The following C11orf65 variants were observed in gnomAD, a reference collection of about 807,000 sequenced individuals.
C11orf65 encodes chromosome 11 open reading frame 65.
C11orf65 carries 38 observed loss-of-function variants against 35.3 expected under a neutral mutation model. That is an observed-to-expected ratio of 1.08 (90% CI 0.83 to 1.41). C11orf65 has a LOEUF of 1.41. C11orf65 is among the 40% of genes most tolerant of loss of function. The probability of loss-of-function intolerance (pLI) is 0.00; values close to 1 mark genes in which losing one functional copy is unlikely to be tolerated. For missense variants in C11orf65, 370 were observed against 367.1 expected (o/e 1.01, Z -0.06); for synonymous variants, 105 against 114.4 (o/e 0.92, Z 0.53).
intron 3 of C11orf65, among the ~76,000 whole-genome samples, chr11:108,430,547 A>AT (rs1034632094): frequency 6.6e-5 from 10 of 151,974 alleles, no homozygotes; most frequent in African/African-American, 2.4e-4. Context: ...CAAAGAACTG[A>AT]TTTTTAAAAG....
intron 2 of C11orf65, among the ~76,000 whole-genome samples, chr11:108,432,693 A>C (rs2093006186): frequency 6.6e-6 from 1 of 152,160 alleles, no homozygotes. Flanking sequence ...CCAATATAAC[A>C]ATCTAAAGCC....
chr11:108,373,962 G>C (rs1052135853), intron 2 of C11orf65, among the ~76,000 whole-genome samples: 1 of 152,242 alleles, frequency 6.6e-6, no homozygotes, highest in Non-Finnish European at 1.5e-5. Flanking sequence ...AGGCTGCAGC[G>C]AGGCTGGCGG....
intron 3 of C11orf65, 128 bp from the exon 4 acceptor site, chr11:108,407,277 C>A: frequency 1.4e-6 from 1 of 718,362 alleles, no homozygotes; most frequent in Non-Finnish European, 2.1e-6. Context: ...GTCAGGTGAA[C>A]CAACCTCAAA....
At chr11:108,375,836 C>A (rs988780389) in intron 2 of C11orf65, among the ~76,000 whole-genome samples, 6 of 152,010 alleles carry the variant, frequency 3.9e-5, no homozygotes, top group Admixed American at 3.9e-4. Flanking sequence ...GGTTGCAATA[C>A]TAGTCTCTGA....
chr11:108,421,186 C>G (rs906706024), intron 3 of C11orf65, among the ~76,000 whole-genome samples: 2 of 152,110 alleles, frequency 1.3e-5, no homozygotes, highest in African/African-American at 4.8e-5. Flanking sequence ...CTTCATTCTA[C>G]CTAGATTTTT....
At chr11:108,330,237 A>T, downstream of C11orf65, 1 of 1,614,174 alleles carries the variant, frequency 6.2e-7, no homozygotes, top group Non-Finnish European at 8.5e-7. Context: ...GTTCAGCGAG[A>T]GCTGGAGTTG....
chr11:108,399,200 G>T (rs2092387864), intron 6 of C11orf65, among the ~76,000 whole-genome samples: 1 of 152,162 alleles, frequency 6.6e-6, no homozygotes, highest in South Asian at 2.1e-4. Flanking sequence ...TGATTACCAA[G>T]AGCTGTCTGC....
At chr11:108,324,526 C>G (rs1310743849) in intron 6 of C11orf65, among the ~76,000 whole-genome samples, 1 of 152,024 alleles carries the variant, frequency 6.6e-6, no homozygotes, top group Non-Finnish European at 1.5e-5. Context: ...TAAAGGAGTT[C>G]CGCAAAAAGT....
rs769959260 is a variant in C11orf65, at chr11:108,353,868, G to A, written c.227-18576C>T. Reference sequence around the variant, plus strand: ...GGCATGGGCATTACGGGTGTTGAAGGTGTCTTCAGAAGGTAAGTGATATGA... The same window carrying A: ...GGCATGGGCATTACGGGTGTTGAAGATGTCTTCAGAAGGTAAGTGATATGA... On this transcript the variant is annotated intron_variant, in intron 2 of 3. Coordinates refer to the C11orf65 transcript ENST00000524755. 6.2e-7 allele frequency: 1 copy of A among 1,612,804 alleles called. No homozygotes were observed. The highest frequency in any genetic ancestry group is 8.5e-7 in the Non-Finnish European group (1 of 1,178,912).
chr11:108,333,935 A>G lies in C11orf65; in HGVS notation c.299+1285T>C, dbSNP rs2136615106. ...AGCCAATTACTAAACTTAAGAATTT[A>G]GAAGATGTTGTTGTCCCTACTATGG... On this transcript the variant is annotated intron_variant, in intron 3 of 3. Coordinates refer to the C11orf65 transcript ENST00000524755. 6.2e-7 allele frequency: 1 copy of G among 1,611,756 alleles called. No homozygotes were observed. The highest frequency in any genetic ancestry group is 8.5e-7 in the Non-Finnish European group (1 of 1,177,868).
intron 3 of C11orf65, among the ~76,000 whole-genome samples, chr11:108,420,940 T>C (rs2092807258): frequency 6.6e-6 from 1 of 152,140 alleles, no homozygotes; most frequent in Non-Finnish European, 1.5e-5. Flanking sequence ...TTTAAAAATA[T>C]GTTTTATTTT....
intron 6 of C11orf65, among the ~76,000 whole-genome samples, chr11:108,313,881 A>AT (rs956168582): frequency 1.1e-4 from 17 of 151,950 alleles, no homozygotes; most frequent in Middle Eastern, 3.4e-3. Context: ...TTTCTATTTT[A>AT]TTTTTTTTAT....
chr11:108,413,509 C>G lies in C11orf65; in HGVS notation c.175-6360G>C, dbSNP rs185019844. ...GACTTCTTATTTTCCCATTTGAATG[C>G]CTTTTATTTCTTTCTCTTGCCTGAT... On this transcript the variant is annotated intron_variant, in intron 3 of 8. Coordinates refer to ENST00000393084, the MANE Select transcript of C11orf65 (RefSeq NM_152587.5). Among the ~76,000 whole-genome samples the G allele has an allele frequency of 1.9e-3, 288 of 152,244 alleles. 1 individual carries two copies. Among genetic ancestry groups the G allele is most frequent in the African/African-American group, 6.4e-3 (267 of 41,546 alleles).
At chr11:108,330,758 G>A (rs927244290), downstream of C11orf65, among the ~76,000 whole-genome samples, 10 of 152,158 alleles carry the variant, frequency 6.6e-5, no homozygotes, top group African/African-American at 2.2e-4. Context: ...GGAGGATTTA[G>A]AAAGCAGTTA....
intron 3 of C11orf65, among the ~76,000 whole-genome samples, chr11:108,429,701 G>C (rs2092957939): frequency 6.6e-6 from 1 of 152,198 alleles, no homozygotes; most frequent in East Asian, 1.9e-4. Flanking sequence ...ACCATTTATA[G>C]AAGCATTATT....
At chr11:108,366,902 G>A (rs1050783054) in intron 2 of C11orf65, 1 of 226,974 alleles carries the variant, frequency 4.4e-6, no homozygotes, top group African/African-American at 2.2e-5. Flanking sequence ...AGATGTCTAA[G>A]CTAAAAGCCG....
At chr11:108,469,843 G>A (rs965681781), upstream of C11orf65, among the ~76,000 whole-genome samples, 2 of 152,032 alleles carry the variant, frequency 1.3e-5, no homozygotes, top group African/African-American at 2.4e-5. Context: ...TTACTAAGAC[G>A]CAGAACTCAG....
At chr11:108,360,143 T>A (rs1247559624) in intron 2 of C11orf65, among the ~76,000 whole-genome samples, 11 of 150,570 alleles carry the variant, frequency 7.3e-5, no homozygotes, top group African/African-American at 2.7e-4. Context: ...AAATACAAAC[T>A]ACCATCAGAG....
rs1555139640 is a variant in C11orf65, at chr11:108,347,349, T to C, written c.227-12057A>G. The C allele has an allele frequency of 3.1e-6, 5 of 1,604,156 alleles. No homozygotes were observed. Among genetic ancestry groups the C allele is most frequent in the Non-Finnish European group, 4.3e-6 (5 of 1,171,200 alleles). On this transcript the variant is annotated intron_variant, in intron 2 of 3. Coordinates refer to the C11orf65 transcript ENST00000524755. The stretch of plus-strand genomic sequence containing the variant: ...TGATAAATGAGCAGTCAGCAGAACT[T>C]GTACATATAGATCTAGGTAAGTAAT...
Sources: allele counts gnomAD v4.1 joint callset (sites outside exome capture counted in the v4.1 genomes callset), GRCh38; gene constraint gnomAD v4.1.1; transcripts MANE v1.5; gene names NCBI Gene and HGNC (gene_info 2026-07-23, HGNC 2026-07-21).